The following LRMDA variants were observed in gnomAD, a reference collection of about 807,000 sequenced individuals.
LRMDA encodes leucine rich melanocyte differentiation associated, also known as leucine-rich melanocyte differentiation-associated protein.
LRMDA carries 18 observed loss-of-function variants against 29.8 expected under a neutral mutation model. The ratio of observed to expected loss-of-function variants is 0.60; its 90% CI spans 0.42 to 0.90. LRMDA has a LOEUF of 0.90. Ranked by LOEUF, LRMDA falls within the 40% of genes least tolerant of loss-of-function variation. The pLI, the probability that LRMDA is intolerant of heterozygous loss-of-function variation, is 0.00. For missense variants in LRMDA, 273 were observed against 273.9 expected (o/e 1.00, Z 0.02); for synonymous variants, 125 against 109.4 (o/e 1.14, Z -0.89).
intron 5 of LRMDA, among the ~76,000 whole-genome samples, chr10:76,227,678 A>G (rs1310197821): frequency 6.6e-6 from 1 of 152,214 alleles, no homozygotes; most frequent in Non-Finnish European, 1.5e-5. Flanking sequence ...TAGTGTTAAG[A>G]CCAGAGAATC....
intron 5 of LRMDA, among the ~76,000 whole-genome samples, chr10:76,145,372 G>T (rs1266157699): frequency 6.6e-6 from 1 of 152,166 alleles, no homozygotes; most frequent in Non-Finnish European, 1.5e-5. Context: ...TTCAGAGCCT[G>T]TTTTTGGTCT....
intron 2 of LRMDA, among the ~76,000 whole-genome samples, chr10:75,661,174 G>A (rs563955500): frequency 9.2e-5 from 14 of 152,226 alleles, no homozygotes; most frequent in Non-Finnish European, 1.8e-4. Context: ...CCGCCCCTCC[G>A]TGCTTCCTCC....
chr10:76,277,618 T>C (rs1589407153), intron 5 of LRMDA, among the ~76,000 whole-genome samples: 2 of 151,432 alleles, frequency 1.3e-5, no homozygotes, highest in African/African-American at 4.9e-5. Flanking sequence ...TTAGTCTGAA[T>C]TTTTTGCTGT....
intron 2 of LRMDA, among the ~76,000 whole-genome samples, chr10:75,673,735 C>G (rs532296469): frequency 6.6e-6 from 1 of 152,146 alleles, no homozygotes; most frequent in African/African-American, 2.4e-5. Context: ...TCTAGGGATG[C>G]GACTAGGGGC....
chr10:75,575,101 T>TCATG (rs1441627220), intron 2 of LRMDA, among the ~76,000 whole-genome samples: 1 of 152,076 alleles, frequency 6.6e-6, no homozygotes, highest in Non-Finnish European at 1.5e-5. Flanking sequence ...TGACCATATC[T>TCATG]CATGAGAACT....
At chr10:75,585,032 C>T (rs1840640268) in intron 2 of LRMDA, among the ~76,000 whole-genome samples, 1 of 152,176 alleles carries the variant, frequency 6.6e-6, no homozygotes, top group Non-Finnish European at 1.5e-5. Context: ...AAGTGTCCAG[C>T]TCGATTAATT....
chr10:75,736,084 C>T (rs932904730), intron 2 of LRMDA, among the ~76,000 whole-genome samples: 3 of 151,978 alleles, frequency 2.0e-5, no homozygotes, highest in African/African-American at 4.8e-5. Context: ...AATGACGGCA[C>T]GTGAAAGCAG....
chr10:75,707,712 G>T (rs1317084756), intron 2 of LRMDA, among the ~76,000 whole-genome samples: 1 of 152,192 alleles, frequency 6.6e-6, no homozygotes, highest in Non-Finnish European at 1.5e-5. Flanking sequence ...GGCGGACAGG[G>T]CTGTAAGAGG....
At chr10:76,032,490 T>C (rs1848166822) in intron 2 of LRMDA, among the ~76,000 whole-genome samples, 1 of 152,234 alleles carries the variant, frequency 6.6e-6, no homozygotes, top group South Asian at 2.1e-4. Flanking sequence ...TTCTCTCCGT[T>C]TGAATCCACT....
In LRMDA at chr10:75,634,519, G is replaced by A. The variant is rs58212743; in HGVS notation, c.131+196025G>A. On this transcript the variant is annotated intron_variant, in intron 2 of 6. Coordinates refer to ENST00000611255, the MANE Select transcript of LRMDA (RefSeq NM_001305581.2). ...AGCTGCTGCCTATAGACACAGAGTGGCATTCCCCAGGTGACCAGTCCTCAC... is the reference window on the plus strand; with the variant it reads ...AGCTGCTGCCTATAGACACAGAGTGACATTCCCCAGGTGACCAGTCCTCAC... 6.5e-3 allele frequency among the ~76,000 whole-genome samples: 987 copies of A among 152,288 alleles called. 14 individuals carry two copies. Among genetic ancestry groups the A allele is most frequent in the African/African-American group, 0.022 (913 of 41,568 alleles).
At chr10:76,265,099 C>T (rs1397000638) in intron 5 of LRMDA, among the ~76,000 whole-genome samples, 1 of 152,146 alleles carries the variant, frequency 6.6e-6, no homozygotes, top group African/African-American at 2.4e-5. Flanking sequence ...ATCCCCATGG[C>T]CTCTGGGGCC....
chr10:75,804,876 C>T (rs141310220), intron 2 of LRMDA, among the ~76,000 whole-genome samples: 33 of 152,196 alleles, frequency 2.2e-4, no homozygotes, highest in African/African-American at 7.0e-4. Flanking sequence ...GTGGTCCCTG[C>T]GTTGACATGG....
chr10:76,237,790 T>A (rs992400551), intron 5 of LRMDA, among the ~76,000 whole-genome samples: 2 of 145,682 alleles, frequency 1.4e-5, no homozygotes, highest in African/African-American at 5.1e-5. Context: ...GAGTGCTTTT[T>A]TTTTTTTTTT....
At chr10:75,890,718 C>CA (rs1415776341) in intron 2 of LRMDA, among the ~76,000 whole-genome samples, 2 of 152,096 alleles carry the variant, frequency 1.3e-5, no homozygotes, top group Non-Finnish European at 2.9e-5. Context: ...GCCAGCTGGC[C>CA]ATGGTATAGA....
intron 2 of LRMDA, among the ~76,000 whole-genome samples, chr10:75,667,383 C>T (rs1841836310): frequency 6.6e-6 from 1 of 152,214 alleles, no homozygotes. Flanking sequence ...TGACTCACTG[C>T]AGTCTTAACC....
intron 2 of LRMDA, among the ~76,000 whole-genome samples, chr10:75,526,726 C>T (rs1845417120): frequency 6.6e-6 from 1 of 151,848 alleles, no homozygotes; most frequent in Admixed American, 6.6e-5. Flanking sequence ...TGTGGTGGCA[C>T]ATGCCTGTGG....
chr10:76,100,631 G>A (rs1373788423), intron 5 of LRMDA, among the ~76,000 whole-genome samples: 1 of 152,224 alleles, frequency 6.6e-6, no homozygotes, highest in African/African-American at 2.4e-5. Context: ...ATCACTTACT[G>A]TTCTTCTGCA....
chr10:75,755,272 G>A (rs142312892), intron 2 of LRMDA, among the ~76,000 whole-genome samples: 70 of 152,298 alleles, frequency 4.6e-4, no homozygotes, highest in African/African-American at 1.7e-3. Context: ...TGTAGGTATG[G>A]TCAGCTTATG....
chr10:75,595,153 T>C (rs1417532946), intron 2 of LRMDA, among the ~76,000 whole-genome samples: 1 of 152,194 alleles, frequency 6.6e-6, no homozygotes, highest in African/African-American at 2.4e-5. Flanking sequence ...CCAAACATGC[T>C]TGTGAAATTC....
Sources: allele counts gnomAD v4.1 joint callset (sites outside exome capture counted in the v4.1 genomes callset), GRCh38; gene constraint gnomAD v4.1.1; transcripts MANE v1.5; gene names NCBI Gene and HGNC (gene_info 2026-07-23, HGNC 2026-07-21).